Variants in ANKS1B observed in about 807,000 individuals in gnomAD.
ANKS1B encodes the protein ankyrin repeat and sterile alpha motif domain containing 1B, also known as ankyrin repeat and sterile alpha motif domain-containing protein 1B.
A neutral mutation model predicts 148.3 loss-of-function variants in ANKS1B; 36 were observed. The observed-to-expected ratio is 0.24, with a 90% CI of 0.19 to 0.32. ANKS1B has a LOEUF of 0.32. ANKS1B is among the 10% of genes least tolerant of loss of function. The probability of loss-of-function intolerance (pLI) is 1.00; values close to 1 mark genes in which losing one functional copy is unlikely to be tolerated. For synonymous variants in ANKS1B, 542 were observed against 560.8 expected, an observed-to-expected ratio of 0.97 and a Z score of 0.47; for missense variants, 1,157 against 1,542.6, an observed-to-expected ratio of 0.75 and a Z score of 4.19.
At chr12:99,975,005 G>T (rs1491628) in intron 1 of ANKS1B, among the ~76,000 whole-genome samples, 94,514 of 151,836 alleles carry the variant, frequency 0.62, 31,170 homozygotes, top group African/African-American at 0.78. Context: ...TCAAAAAATT[G>T]GTTGGGCATG....
chr12:99,460,763 T>C (rs2095945853), intron 10 of ANKS1B, among the ~76,000 whole-genome samples: 1 of 151,210 alleles, frequency 6.6e-6, no homozygotes, highest in African/African-American at 2.4e-5. Flanking sequence ...AACATGGATG[T>C]GGTGAAAAGG....
At chr12:99,660,455 C>A (rs894945199) in intron 8 of ANKS1B, among the ~76,000 whole-genome samples, 6 of 151,230 alleles carry the variant, frequency 4.0e-5, no homozygotes, top group South Asian at 2.1e-4. Context: ...CCTCCACCTC[C>A]CAGGTTCAAG....
intron 11 of ANKS1B, among the ~76,000 whole-genome samples, chr12:99,421,930 C>T (rs1161170201): frequency 1.3e-5 from 2 of 152,102 alleles, no homozygotes; most frequent in African/African-American, 2.4e-5. Context: ...ACCAACCCCA[C>T]TCTCTCTCTT....
intron 15 of ANKS1B, among the ~76,000 whole-genome samples, chr12:99,108,918 AG>A (rs1235544970): frequency 1.3e-5 from 2 of 152,188 alleles, no homozygotes; most frequent in African/African-American, 4.8e-5. Flanking sequence ...AAGGGAGGTG[AG>A]ATACATGGTA....
At chr12:99,643,686 C>G (rs2098331977) in intron 9 of ANKS1B, among the ~76,000 whole-genome samples, 1 of 152,200 alleles carries the variant, frequency 6.6e-6, no homozygotes, top group African/African-American at 2.4e-5. Context: ...TAAGTCCAAG[C>G]TACCAAAGTC....
In ANKS1B at chr12:99,666,685, GTAT is replaced by G. The variant is rs982467147; in HGVS notation, c.1129-11478_1129-11476del. Among the ~76,000 whole-genome samples the G allele has an allele frequency of 3.3e-5, 5 of 152,138 alleles. No individual in the cohort carries two copies. In the South Asian group the frequency reaches 8.3e-4, roughly 25 times the overall value. On this transcript the variant is annotated intron_variant, in intron 8 of 26. Coordinates refer to ENST00000683438, the MANE Select transcript of ANKS1B (RefSeq NM_001352186.2). ...GTGTTTCTGGAAAATCTTTCAAATGGTATTATTAGGTTAATTTAATTTTCTTTT... is the reference window on the plus strand; with the variant it reads ...GTGTTTCTGGAAAATCTTTCAAATGGTATTAGGTTAATTTAATTTTCTTTT...
intron 14 of ANKS1B, among the ~76,000 whole-genome samples, chr12:99,239,499 T>C (rs1264609471): frequency 6.6e-6 from 1 of 152,306 alleles, no homozygotes; most frequent in East Asian, 1.9e-4. Context: ...CTCTTCAGGA[T>C]ATTATCTAGG....
At chr12:99,817,297 T>G (rs1336533042) in intron 2 of ANKS1B, among the ~76,000 whole-genome samples, 3 of 151,670 alleles carry the variant, frequency 2.0e-5, no homozygotes, top group African/African-American at 7.3e-5. Flanking sequence ...TCATTTCACT[T>G]TACAAAATGA....
chr12:99,683,831 A>G (rs540356288), intron 8 of ANKS1B, among the ~76,000 whole-genome samples: 1 of 152,254 alleles, frequency 6.6e-6, no homozygotes, highest in African/African-American at 2.4e-5. Flanking sequence ...ATACACAAAT[A>G]AATGTGATAC....
At chr12:98,781,871 G>C (rs11109602) in intron 23 of ANKS1B, among the ~76,000 whole-genome samples, 41,175 of 152,086 alleles carry the variant, frequency 0.27, 5,990 homozygotes, top group Middle Eastern at 0.36. Flanking sequence ...GGACAGCCCA[G>C]GTAACCTACT....
At chr12:99,653,031 A>G (rs1328814374) in intron 9 of ANKS1B, among the ~76,000 whole-genome samples, 3 of 152,146 alleles carry the variant, frequency 2.0e-5, no homozygotes, top group African/African-American at 7.2e-5. Flanking sequence ...AAAGCTGCAG[A>G]CTGGGAAAGA....
intron 8 of ANKS1B, among the ~76,000 whole-genome samples, chr12:99,656,959 T>C (rs188805793): frequency 3.3e-5 from 5 of 152,136 alleles, no homozygotes; most frequent in Admixed American, 3.3e-4. Flanking sequence ...TCCTCCTATT[T>C]AAAAGAATTT....
At position 99,252,045 on chromosome 12, in the gene ANKS1B, A is replaced by G. The variant is rs73379365; in HGVS notation, c.1757-5181T>C. Reference sequence around the variant, plus strand: ...GTATGTGCTGTGAAAAAAATAAAGCAAAGTAATGAGATAGAAACGAAAGGA... The same window carrying G: ...GTATGTGCTGTGAAAAAAATAAAGCGAAGTAATGAGATAGAAACGAAAGGA... On this transcript the variant is annotated intron_variant, in intron 12 of 26. Coordinates refer to ENST00000683438, the MANE Select transcript of ANKS1B (RefSeq NM_001352186.2). 5.2e-3 allele frequency among the ~76,000 whole-genome samples: 797 copies of G among 152,326 alleles called. 7 individuals carry two copies. The highest frequency in any genetic ancestry group is 0.018 in the African/African-American group (767 of 41,568).
intron 8 of ANKS1B, among the ~76,000 whole-genome samples, chr12:99,657,645 GTA>G (rs745755605): frequency 1.0e-4 from 11 of 107,092 alleles, no homozygotes; most frequent in Non-Finnish European, 1.2e-4. Flanking sequence ...ATCTGAAAGA[GTA>G]TATATATATA....
intron 17 of ANKS1B, among the ~76,000 whole-genome samples, chr12:98,962,986 A>C (rs2099874297): frequency 6.6e-6 from 1 of 152,176 alleles, no homozygotes; most frequent in Non-Finnish European, 1.5e-5. Context: ...GCCTACATCA[A>C]AATAGAAGAA....
intron 1 of ANKS1B, among the ~76,000 whole-genome samples, chr12:99,907,420 C>T (rs2093824592): frequency 6.6e-6 from 1 of 152,162 alleles, no homozygotes; most frequent in African/African-American, 2.4e-5. Context: ...ACTTGAAAAA[C>T]ATCTAAATGC....
chr12:99,679,475 T>G (rs190011574), intron 8 of ANKS1B, among the ~76,000 whole-genome samples: 331 of 151,572 alleles, frequency 2.2e-3, no homozygotes, highest in Non-Finnish European at 3.5e-3. Context: ...ACCCAGATAA[T>G]TTTTTTTTAT....
chr12:99,930,351 A>T (rs925311328), intron 1 of ANKS1B, among the ~76,000 whole-genome samples: 7 of 152,172 alleles, frequency 4.6e-5, no homozygotes, highest in African/African-American at 9.7e-5. Flanking sequence ...TTGATTTTGT[A>T]TACTGAGACT....
intron 12 of ANKS1B, among the ~76,000 whole-genome samples, chr12:99,250,926 G>A (rs1166194188): frequency 6.6e-6 from 1 of 152,082 alleles, no homozygotes; most frequent in Admixed American, 6.6e-5. Context: ...ATTTCTCACA[G>A]GCCTAGAGGC....
Sources: allele counts gnomAD v4.1 joint callset (sites outside exome capture counted in the v4.1 genomes callset), GRCh38; gene constraint gnomAD v4.1.1; transcripts MANE v1.5; gene names NCBI Gene and HGNC (gene_info 2026-07-23, HGNC 2026-07-21).